The following ULK2 variants were observed in gnomAD, a reference collection of about 807,000 sequenced individuals.
ULK2 encodes unc-51 like autophagy activating kinase 2.
ULK2 carries 76 observed loss-of-function variants against 127.5 expected under a neutral mutation model. The ratio of observed to expected loss-of-function variants is 0.60; its 90% CI spans 0.50 to 0.72. The LOEUF (loss-of-function observed/expected upper bound fraction) is 0.72, where lower values mean the gene tolerates loss of function less well. ULK2 is among the 30% of genes least tolerant of loss of function. The pLI, the probability that ULK2 is intolerant of heterozygous loss-of-function variation, is 0.00. For synonymous variants in ULK2, 452 were observed against 461.9 expected, an observed-to-expected ratio of 0.98 and a Z score of 0.28; for missense variants, 1,144 against 1,295.9, an observed-to-expected ratio of 0.88 and a Z score of 1.80.
intron 25 of ULK2, among the ~76,000 whole-genome samples, chr17:19,779,936 G>A (rs2086885121): frequency 6.6e-6 from 1 of 152,134 alleles, no homozygotes; most frequent in African/African-American, 2.4e-5. Context: ...CACTTTGGGA[G>A]GCTAAGGAGG....
chr17:19,857,733 C>T (rs924093840), intron 3 of ULK2, among the ~76,000 whole-genome samples: 4 of 152,276 alleles, frequency 2.6e-5, no homozygotes, highest in African/African-American at 4.8e-5. Flanking sequence ...TATCACTCTC[C>T]TGCTTTTAAA....
chr17:19,846,006 A>C (rs2152398294), intron 6 of ULK2, among the ~76,000 whole-genome samples: 1 of 152,208 alleles, frequency 6.6e-6, no homozygotes, highest in East Asian at 1.9e-4. Context: ...CTACTTGCGC[A>C]TCCCAGCTAC....
intron 6 of ULK2, 113 bp downstream of exon 6, chr17:19,846,612 CCTGAGCAACAGA>C (rs2152398504): frequency 8.9e-7 from 1 of 1,128,044 alleles, no homozygotes; most frequent in East Asian, 2.5e-5. Context: ...TACACGCCAG[CCTGAGCAACAGA>C]GCGAGACTCC....
At position 19,799,570 on chromosome 17, in the gene ULK2, T is replaced by C. The variant is rs1451012273; in HGVS notation, c.1447A>G (p.Thr483Ala). 8 of 1,377,526 alleles carry C rather than the reference T, an allele frequency of 5.8e-6. No individual in the cohort carries two copies. Among genetic ancestry groups the C allele is most frequent in the Non-Finnish European group, 6.6e-6 (7 of 1,059,028 alleles). 85.3% of individuals were successfully genotyped at this position (1,377,526 alleles called of 1,614,324 possible). ...RPYSPSPLVGTIPEQFSQCCC... is the reference protein window; with the variant it reads ...RPYSPSPLVGAIPEQFSQCCC... ...CACTGACTGAATTGCTCAGGAATGG[T>C]ACCAACTACAAAAAAAAAAAAAAAA... Residue 483 changes from threonine to alanine, a missense_variant, in exon 17 of 27, where the codon ACC (threonine) becomes GCC (alanine). Around this residue, in one of 2 missense-constraint regions of ULK2, gnomAD observed 913 missense variants for 970.5 expected, o/e 0.94. Transcript: ENST00000395544.
At chr17:19,814,622 G>A (rs2152389797) in intron 13 of ULK2, among the ~76,000 whole-genome samples, 1 of 151,336 alleles carries the variant, frequency 6.6e-6, no homozygotes, top group East Asian at 1.9e-4. Flanking sequence ...ATGATGCCCT[G>A]GCTGGTCTTG....
At chr17:19,804,007 G>A (rs923054518) in intron 15 of ULK2, among the ~76,000 whole-genome samples, 1 of 152,106 alleles carries the variant, frequency 6.6e-6, no homozygotes, top group African/African-American at 2.4e-5. Context: ...TGTCTGCCAT[G>A]CTAAATCAAG....
chr17:19,809,811 A>T (rs1054034074), intron 14 of ULK2, among the ~76,000 whole-genome samples: 3 of 151,938 alleles, frequency 2.0e-5, no homozygotes, highest in African/African-American at 7.2e-5. Context: ...AGGCTGAGAC[A>T]GGAGAATGGC....
chr17:19,781,260 T>C (rs1246915345), intron 23 of ULK2, among the ~76,000 whole-genome samples, 156 bp from the exon 24 acceptor site: 147 of 150,216 alleles, frequency 9.8e-4, no homozygotes, highest in Non-Finnish European at 1.7e-3. Flanking sequence ...TTTTTTTTTT[T>C]TGACAGAGTC....
intron 13 of ULK2, among the ~76,000 whole-genome samples, chr17:19,812,457 C>T (rs1010445367): frequency 4.6e-5 from 7 of 152,190 alleles, no homozygotes; most frequent in Non-Finnish European, 1.0e-4. Context: ...ATACACCTAA[C>T]CTACCGAATA....
intron 13 of ULK2, among the ~76,000 whole-genome samples, chr17:19,814,456 T>TTTTTTTTTTTTTTTTTTTTGTTTG (rs1555557161): frequency 5.5e-5 from 1 of 18,254 alleles, no homozygotes; most frequent in Non-Finnish European, 1.1e-4. Flanking sequence ...TTTTTTTTTT[T>TTTTTTTTTTTTTTTTTTTTGTTTG]TTTTTTTGGA....
intron 21 of ULK2, among the ~76,000 whole-genome samples, chr17:19,785,173 G>A (rs1037890291): frequency 1.3e-5 from 2 of 152,006 alleles, no homozygotes; most frequent in African/African-American, 4.8e-5. Flanking sequence ...TGCAAAGATT[G>A]AGACCCAAAG....
intron 10 of ULK2, among the ~76,000 whole-genome samples, chr17:19,835,402 T>C (rs1466485577): frequency 6.6e-6 from 1 of 150,908 alleles, no homozygotes; most frequent in Non-Finnish European, 1.5e-5. Context: ...TTATATAAAG[T>C]AGACTGTGAT....
At chr17:19,802,818 G>A (rs756463655) in intron 15 of ULK2, among the ~76,000 whole-genome samples, 51 of 152,262 alleles carry the variant, frequency 3.3e-4, no homozygotes, top group Middle Eastern at 3.4e-3. Flanking sequence ...AAAGAATCTT[G>A]CACTTTGAAT....
At position 19,779,253 on chromosome 17, in the gene ULK2, G is replaced by A. The variant is rs1162830750; in HGVS notation, c.2916+1219C>T. 3.9e-5 allele frequency among the ~76,000 whole-genome samples: 6 copies of A among 152,032 alleles called. No individual in the cohort carries two copies. In the South Asian group the frequency reaches 6.2e-4, roughly 16 times the overall value. The stretch of plus-strand genomic sequence containing the variant: ...GTGTTAGAAATACAATTGGCATGCC[G>A]GGCACAGTGGCTCACACCTATAATC... On this transcript the variant is annotated intron_variant, in intron 25 of 26. Transcript: ENST00000395544.
At chr17:19,814,434 A>ATTTT (rs1567696488) in intron 13 of ULK2, among the ~76,000 whole-genome samples, 2 of 17,258 alleles carry the variant, frequency 1.2e-4, no homozygotes, top group Non-Finnish European at 2.2e-4. Flanking sequence ...ATATATATAT[A>ATTTT]TATATTTTTT....
chr17:19,817,462 G>A (rs911623932), intron 12 of ULK2, among the ~76,000 whole-genome samples: 7 of 152,306 alleles, frequency 4.6e-5, no homozygotes, highest in African/African-American at 1.7e-4. Flanking sequence ...TATAGATTTG[G>A]AAAACCTTAC....
chr17:19,823,911 G>A (rs531464025), intron 12 of ULK2, among the ~76,000 whole-genome samples: 29 of 152,182 alleles, frequency 1.9e-4, no homozygotes, highest in Non-Finnish European at 3.2e-4. Flanking sequence ...GGCTACATCT[G>A]CATCTGCTTT....
At chr17:19,847,609 G>T (rs1165423301) in intron 5 of ULK2, among the ~76,000 whole-genome samples, 1 of 152,174 alleles carries the variant, frequency 6.6e-6, no homozygotes, top group Non-Finnish European at 1.5e-5. Flanking sequence ...GAGTGCAGTG[G>T]CACAATCTCA....
chr17:19,776,293 AT>A lies in ULK2; in HGVS notation c.*55del, dbSNP rs1288534541. The A allele has an allele frequency of 3.4e-6, 5 of 1,489,476 alleles. No individual in the cohort carries two copies. The highest frequency in any genetic ancestry group is 4.5e-6 in the Non-Finnish European group (5 of 1,110,830). 92.3% of individuals were successfully genotyped at this position (1,489,476 alleles called of 1,614,324 possible). ...ATGGGGTGACAGAACTCAAGCTGTA[AT>A]CCCAAAGGCATCACCTCACGTTCCC... is the stretch of plus-strand genomic sequence containing the variant. On this transcript the variant is annotated 3_prime_UTR_variant, in exon 27 of 27. Coordinates refer to ENST00000395544, the MANE Select transcript of ULK2 (RefSeq NM_014683.4).
Sources: gnomAD v4.1 joint callset for allele counts (sites outside exome capture counted in the v4.1 genomes callset) on GRCh38, gnomAD v4.1.1 for gene constraint, gnomAD v4.1.1 regional missense constraint, MANE v1.5 for transcripts, NCBI Gene and HGNC (gene_info 2026-07-23, HGNC 2026-07-21) for gene names.